The following PADI2 variants were observed in gnomAD, a reference collection of about 807,000 sequenced individuals.
PADI2 encodes protein-arginine deiminase type-2.
A neutral mutation model predicts 81.1 loss-of-function variants in PADI2; 70 were observed. That is an observed-to-expected ratio of 0.86 (90% CI 0.71 to 1.05). The LOEUF is 1.05. PADI2 is among the 50% of genes least tolerant of loss of function. PADI2 has a pLI of 0.00. For synonymous variants in PADI2, 338 were observed against 358.0 expected (o/e 0.94, Z 0.63); for missense variants, 853 against 889.9 (o/e 0.96, Z 0.53).
At chr1:17,100,196 CA>C (rs1219881916) in intron 3 of PADI2, among the ~76,000 whole-genome samples, 3 of 152,318 alleles carry the variant, frequency 2.0e-5, no homozygotes, top group African/African-American at 7.2e-5. Flanking sequence ...AGATTTTCAC[CA>C]GGGTCTCTGT....
intron 4 of PADI2, among the ~76,000 whole-genome samples, chr1:17,095,039 G>A (rs936780325): frequency 4.6e-5 from 7 of 152,206 alleles, no homozygotes; most frequent in African/African-American, 1.7e-4. Flanking sequence ...TCATCAGGCT[G>A]TGTTTATTTT....
At chr1:17,093,939 G>C (rs1272432195) in intron 4 of PADI2, among the ~76,000 whole-genome samples, 1 of 152,192 alleles carries the variant, frequency 6.6e-6, no homozygotes, top group Non-Finnish European at 1.5e-5. Context: ...GGTGCAGCTG[G>C]TGTCTGGTGT....
chr1:17,119,240 C>T lies in PADI2; in HGVS notation c.92+40G>A. 1 of 1,385,666 alleles carries T rather than the reference C, an allele frequency of 7.2e-7. No individual in the cohort carries two copies. Among genetic ancestry groups the T allele is most frequent in the East Asian group, 2.9e-5 (1 of 33,948 alleles). The allele number at this position is 1,385,666 out of a possible 1,614,324, so 85.8% of individuals were successfully genotyped here. On this transcript the variant is annotated intron_variant, in intron 1 of 15. Transcript: ENST00000375486. This position sits in a 1 kb window ranked among gnomAD's most constrained non-coding sequence, Gnocchi z 4.8. ...CTGAGCGCGTCTCAGGATTTCTGGGCTCGAGATCTCGGCCCGGGCATCACG... is the reference window on the plus strand; with the variant it reads ...CTGAGCGCGTCTCAGGATTTCTGGGTTCGAGATCTCGGCCCGGGCATCACG...
intron 4 of PADI2, 55 bp from the exon 5 acceptor site, chr1:17,093,739 C>T (rs987482846): frequency 9.5e-7 from 1 of 1,057,904 alleles, no homozygotes; most frequent in Admixed American, 1.8e-5. Flanking sequence ...GTATAGACCC[C>T]ATGGGACACT....
chr1:17,081,487 T>C (rs1409004059), intron 10 of PADI2, among the ~76,000 whole-genome samples: 1 of 152,212 alleles, frequency 6.6e-6, no homozygotes, highest in South Asian at 2.1e-4. Flanking sequence ...CTCTAGCATC[T>C]CCTTGTGAAC....
In PADI2 at chr1:17,067,193, A is replaced by C. The variant is rs2078228307; in HGVS notation, c.*1851T>G. The C allele has an allele frequency of 7.4e-6, 1 of 136,042 alleles. No individual in the cohort carries two copies. The highest frequency in any genetic ancestry group is 1.5e-5 in the Non-Finnish European group (1 of 65,376). 8.4% of individuals were successfully genotyped at this position (136,042 alleles called of 1,614,324 possible). A position where few individuals can be genotyped will look rare whatever the true frequency, so the allele number is the denominator to read the frequency against. Reference sequence around the variant, plus strand: ...ACATGGGAGGCGCTCACTTCCCCCTAATGTAGACTAAAAAAAAAAAGAAAA... The same window carrying C: ...ACATGGGAGGCGCTCACTTCCCCCTCATGTAGACTAAAAAAAAAAAGAAAA... On this transcript the variant is annotated 3_prime_UTR_variant, in exon 16 of 16. Coordinates refer to ENST00000375486, the MANE Select transcript of PADI2 (RefSeq NM_007365.3).
At chr1:17,101,667 C>A (rs1931147951) in intron 3 of PADI2, among the ~76,000 whole-genome samples, 1 of 152,126 alleles carries the variant, frequency 6.6e-6, no homozygotes, top group African/African-American at 2.4e-5. Flanking sequence ...TGCTGCTAAG[C>A]CTGTTTAAGC....
intron 9 of PADI2, 84 bp downstream of exon 9, chr1:17,083,642 G>A (rs1436592456): frequency 1.2e-6 from 1 of 808,378 alleles, no homozygotes; most frequent in Non-Finnish European, 2.2e-6. Flanking sequence ...GAGCTGCTGG[G>A]TGCCAGGCAG....
intron 6 of PADI2, among the ~76,000 whole-genome samples, chr1:17,087,013 G>C (rs935522871): frequency 1.3e-5 from 2 of 152,208 alleles, no homozygotes; most frequent in African/African-American, 2.4e-5. Flanking sequence ...GGTTCCAGGG[G>C]AGGATGTAAT....
intron 3 of PADI2, among the ~76,000 whole-genome samples, chr1:17,101,753 C>T (rs1364904570): frequency 6.6e-6 from 1 of 152,144 alleles, no homozygotes; most frequent in Non-Finnish European, 1.5e-5. Flanking sequence ...CTGAGACCCC[C>T]CCTGAGAATG....
intron 1 of PADI2, among the ~76,000 whole-genome samples, chr1:17,118,485 G>C (rs1458102190): frequency 1.3e-5 from 2 of 152,044 alleles, no homozygotes; most frequent in East Asian, 1.9e-4. Context: ...CTGGGATTGC[G>C]GGGGGAGTGG....
chr1:17,095,773 T>G, intron 4 of PADI2, 136 bp downstream of exon 4: 1 of 628,418 alleles, frequency 1.6e-6, no homozygotes, highest in Non-Finnish European at 2.8e-6. Flanking sequence ...GTTCCATCAT[T>G]GGTATGCTGT....
chr1:17,092,526 C>T lies in PADI2; in HGVS notation c.537G>A (p.Lys179=). The T allele has an allele frequency of 6.3e-7, 1 of 1,594,460 alleles. No homozygotes were observed. The highest frequency in any genetic ancestry group is 8.5e-7 in the Non-Finnish European group (1 of 1,171,310). ...TCCGCAGGATCATCTGGGACATGTC[C>T]TTGAGATCTGAGGGACAGAAGGTGA... ...DEKVYSKEDL[K]DMSQMILRTK... is the part of the protein sequence containing the mutation. Residue 179 remains lysine (K), a synonymous_variant, in exon 6 of 16, where the codon AAG becomes AAA. Transcript: ENST00000375486.
At chr1:17,095,675 T>C (rs1162380739) in intron 4 of PADI2, among the ~76,000 whole-genome samples, 1 of 152,178 alleles carries the variant, frequency 6.6e-6, no homozygotes, top group African/African-American at 2.4e-5. Flanking sequence ...GTTCCATGAA[T>C]TGGGCGTCCC....
chr1:17,072,565 G>A (rs1376970660), intron 13 of PADI2, among the ~76,000 whole-genome samples: 2 of 152,110 alleles, frequency 1.3e-5, no homozygotes, highest in Admixed American at 1.3e-4. Flanking sequence ...TCCTCCCCAG[G>A]TCTCCTATGT....
At position 17,111,339 on chromosome 1, in the gene PADI2, C is replaced by T. The variant is rs188987710; in HGVS notation, c.93-6278G>A. Among the ~76,000 whole-genome samples the T allele has an allele frequency of 6.5e-3, 984 of 152,180 alleles. 11 individuals carry two copies. Among genetic ancestry groups the T allele is most frequent in the African/African-American group, 0.023 (939 of 41,510 alleles). On this transcript the variant is annotated intron_variant, in intron 1 of 15. Coordinates refer to ENST00000375486, the MANE Select transcript of PADI2 (RefSeq NM_007365.3). ...GGGACTCCTGACTTCAAGTGATCTG[C>T]CCGCCTCAGCCTCCCAAAGTGCTGG...
At chr1:17,101,174 G>A (rs1340252777) in intron 3 of PADI2, among the ~76,000 whole-genome samples, 1 of 152,098 alleles carries the variant, frequency 6.6e-6, no homozygotes, top group African/African-American at 2.4e-5. Context: ...CATCTTTTGG[G>A]ACTCAGCCAT....
At chr1:17,087,113 C>T (rs1322111959) in intron 6 of PADI2, among the ~76,000 whole-genome samples, 1 of 152,190 alleles carries the variant, frequency 6.6e-6, no homozygotes, top group Non-Finnish European at 1.5e-5. Flanking sequence ...TGAGCTGGGA[C>T]TCAGATTCAA....
In PADI2 at chr1:17,086,710, A is replaced by G. The variant is rs1335357705; in HGVS notation, c.656-11T>C. On this transcript the variant is annotated splice_polypyrimidine_tract_variant and intron_variant, in intron 6 of 15. Transcript: ENST00000375486. ...GGCCGAAGAACGGGTCTGGAGGGAA[A>G]AGGACCAACGTCAGACTCCCACCCG... The G allele has an allele frequency of 6.2e-7, 1 of 1,611,310 alleles. No homozygotes were observed. The highest frequency in any genetic ancestry group is 1.7e-5 in the Admixed American group (1 of 59,802).
Sources: allele counts gnomAD v4.1 joint callset (sites outside exome capture counted in the v4.1 genomes callset), GRCh38; gene constraint gnomAD v4.1.1; non-coding constraint Gnocchi (gnomAD v3.1); transcripts MANE v1.5; gene names NCBI Gene and HGNC (gene_info 2026-07-23, HGNC 2026-07-21).